The following MLIP variants were observed in gnomAD, a reference collection of about 807,000 sequenced individuals.
MLIP encodes muscular LMNA-interacting protein.
Under a neutral mutation model 84.8 loss-of-function variants are expected in MLIP, and 79 were observed. That is an observed-to-expected ratio of 0.93 (90% CI 0.78 to 1.12). The LOEUF (loss-of-function observed/expected upper bound fraction) is 1.12. Among genes scored for constraint, MLIP ranks in the 50% most tolerant of loss-of-function variants. The probability of loss-of-function intolerance (pLI) is 0.00; values close to 1 mark genes in which losing one functional copy is unlikely to be tolerated. For synonymous variants in MLIP, 504 were observed against 463.0 expected (o/e 1.09, Z -1.14); for missense variants, 1,257 against 1,160.6 (o/e 1.08, Z -1.21).
chr6:54,265,908 T>C lies in MLIP; in HGVS notation c.2977-42T>C, dbSNP rs767386902. On this transcript the variant is annotated intron_variant, in intron 13 of 13. Coordinates refer to ENST00000502396, the MANE Select transcript of MLIP (RefSeq NM_001281747.2). The stretch of plus-strand genomic sequence containing the variant: ...AATTTTCAGGTGTATATTTTTAAAT[T>C]TATTCATCTTAACCTGACTACCATA... The C allele has an allele frequency of 2.6e-5, 42 of 1,585,906 alleles. No individual in the cohort carries two copies. The East Asian group carries it at 8.8e-4, about 33-fold the overall frequency.
rs990739400 is a variant in MLIP at position 54,186,727 on chromosome 6, C to T, written c.2545-3143C>T. On this transcript the variant is annotated intron_variant, in intron 9 of 13. Transcript: ENST00000502396. ...CATGAGATCAGCATGGGGGAACTGC[C>T]CTCATGATCCAATCACTTCCCACCA... 7.2e-5 allele frequency among the ~76,000 whole-genome samples: 11 copies of T among 152,220 alleles called. No individual in the cohort carries two copies. In the East Asian group the frequency reaches 7.8e-4, roughly 11 times the overall value.
exon 1 of MLIP, chr6:54,019,027 A>G (rs1561868353): frequency 1.9e-6 from 3 of 1,608,288 alleles, no homozygotes; most frequent in Admixed American, 3.3e-5. Flanking sequence ...TTCTCTTTCA[A>G]TATGGAACTT....
chr6:54,254,865 C>T (rs1438809055), intron 12 of MLIP, among the ~76,000 whole-genome samples: 1 of 150,020 alleles, frequency 6.7e-6, no homozygotes, highest in Non-Finnish European at 1.5e-5. Flanking sequence ...CGATATTTTG[C>T]ACATCAGCCA....
chr6:54,118,651 A>G (rs1561946688), intron 1 of MLIP, among the ~76,000 whole-genome samples: 1 of 152,242 alleles, frequency 6.6e-6, no homozygotes, highest in Non-Finnish European at 1.5e-5. Context: ...CAAAAAAAGC[A>G]AAAATTGATA....
chr6:54,074,685 C>G (rs1766685956), intron 1 of MLIP, among the ~76,000 whole-genome samples: 2 of 152,086 alleles, frequency 1.3e-5, no homozygotes, highest in Admixed American at 6.6e-5. Flanking sequence ...AAAAATGAGG[C>G]CAACCACGGG....
chr6:54,036,897 C>T (rs1466089623), intron 1 of MLIP, among the ~76,000 whole-genome samples: 1 of 151,894 alleles, frequency 6.6e-6, no homozygotes, highest in Admixed American at 6.6e-5. Flanking sequence ...TGAGTAACTA[C>T]CAAGTGGAAG....
At chr6:54,049,429 G>T (rs536809130) in intron 1 of MLIP, among the ~76,000 whole-genome samples, 2 of 152,244 alleles carry the variant, frequency 1.3e-5, no homozygotes, top group South Asian at 4.1e-4. Context: ...CTTATTGCTG[G>T]TTCGTTATGA....
chr6:54,049,571 C>T (rs1765261187), intron 1 of MLIP, among the ~76,000 whole-genome samples: 1 of 152,096 alleles, frequency 6.6e-6, no homozygotes, highest in African/African-American at 2.4e-5. Flanking sequence ...ACCCTATTTA[C>T]TTGTAGTGAG....
chr6:54,141,006 A>T (rs898842224), intron 4 of MLIP, among the ~76,000 whole-genome samples: 4 of 152,166 alleles, frequency 2.6e-5, no homozygotes, highest in African/African-American at 9.7e-5. Context: ...AATAACAGGG[A>T]TCATAGAATA....
chr6:54,147,804 G>C, intron 4 of MLIP, among the ~76,000 whole-genome samples: 1 of 152,122 alleles, frequency 6.6e-6, no homozygotes, highest in East Asian at 1.9e-4. Context: ...TGATTATCTT[G>C]CTAGTGTGAC....
At chr6:54,218,244 G>T (rs546261466) in intron 11 of MLIP, among the ~76,000 whole-genome samples, 4 of 152,292 alleles carry the variant, frequency 2.6e-5, no homozygotes, top group East Asian at 1.9e-4. Context: ...GGCTATTACT[G>T]CTGGGCTACA....
intron 9 of MLIP, among the ~76,000 whole-genome samples, chr6:54,178,537 C>A (rs548480169): frequency 1.3e-5 from 2 of 152,078 alleles, no homozygotes; most frequent in African/African-American, 2.4e-5. Flanking sequence ...TAGGCACTTA[C>A]AGCTATAAAT....
At chr6:54,219,370 C>T (rs1582538588) in intron 11 of MLIP, among the ~76,000 whole-genome samples, 26 of 77,480 alleles carry the variant, frequency 3.4e-4, no homozygotes, top group South Asian at 4.2e-4. Flanking sequence ...ACATTTTAAA[C>T]TTTTTTTTTT....
At position 54,067,832 on chromosome 6, in the gene MLIP, G is replaced by A. The variant is rs1295795330; in HGVS notation, c.63+48741G>A. ...TCAGTTTAGAGTGCAAGTGATGGGA[G>A]TCAAACTTTATATACTTAAGGCTAA... On this transcript the variant is annotated intron_variant, in intron 1 of 12. Coordinates refer to the MLIP transcript ENST00000274897. Among the ~76,000 whole-genome samples the A allele has an allele frequency of 4.0e-5, 4 of 100,300 alleles. 1 individual carries two copies. Among genetic ancestry groups the A allele is most frequent in the Admixed American group, 3.7e-4 (4 of 10,808 alleles). 65.8% of individuals were successfully genotyped at this position (100,300 alleles called of 152,430 possible).
intron 1 of MLIP, chr6:54,046,888 C>G (rs1765090718): frequency 6.6e-6 from 1 of 152,106 alleles, no homozygotes. Context: ...AAAGTAATAG[C>G]AAATGGCAGA....
intron 5 of MLIP, 33 bp from the exon 6 acceptor site, chr6:54,160,334 G>A: frequency 1.3e-6 from 2 of 1,565,824 alleles, no homozygotes; most frequent in Non-Finnish European, 1.8e-6. Context: ...ATGACTAGAA[G>A]CCTCATATAA....
intron 11 of MLIP, among the ~76,000 whole-genome samples, chr6:54,204,144 T>G (rs1210982989): frequency 6.6e-6 from 1 of 152,208 alleles, no homozygotes; most frequent in Non-Finnish European, 1.5e-5. Context: ...AGTCTGATTT[T>G]TTTAGAAGGC....
intron 1 of MLIP, among the ~76,000 whole-genome samples, chr6:54,098,013 C>T (rs1007831291): frequency 3.3e-5 from 5 of 151,942 alleles, no homozygotes; most frequent in Admixed American, 2.6e-4. Flanking sequence ...TGGAAATGCA[C>T]GTTGAAATTA....
chr6:54,189,954 A>G (rs1247807748), intron 10 of MLIP, 40 bp downstream of exon 10: 4 of 1,417,220 alleles, frequency 2.8e-6, no homozygotes, highest in Non-Finnish European at 4.0e-6. Context: ...GCAAATTCTG[A>G]TCTCTCAAGA....
Sources: gnomAD v4.1 joint callset for allele counts (sites outside exome capture counted in the v4.1 genomes callset) on GRCh38, gnomAD v4.1.1 for gene constraint, MANE v1.5 for transcripts, NCBI Gene and HGNC (gene_info 2026-07-23, HGNC 2026-07-21) for gene names.